KCNN2: variants seen among roughly 807,000 people sequenced by gnomAD.
The protein encoded by KCNN2 is potassium calcium-activated channel subfamily N member 2, also known as small conductance calcium-activated potassium channel protein 2.
Under a neutral mutation model 55.5 loss-of-function variants are expected in KCNN2, and 24 were observed. The ratio of observed to expected loss-of-function variants is 0.43; its 90% CI spans 0.31 to 0.61. The LOEUF is 0.61. Ranked by LOEUF, KCNN2 falls within the 20% of genes least tolerant of loss-of-function variation. KCNN2 has a pLI of 0.08. For missense variants in KCNN2, 754 were observed against 853.6 expected, an observed-to-expected ratio of 0.88 and a Z score of 1.45; for synonymous variants, 431 against 336.1, an observed-to-expected ratio of 1.28 and a Z score of -3.09.
At chr5:114,134,049 T>C (rs1006490866) in intron 1 of KCNN2, among the ~76,000 whole-genome samples, 9 of 152,254 alleles carry the variant, frequency 5.9e-5, no homozygotes, top group African/African-American at 2.2e-4. Context: ...TTCTCCCATT[T>C]CCACATGGCA....
intron 2 of KCNN2, among the ~76,000 whole-genome samples, chr5:114,365,474 A>G (rs750540356): frequency 1.3e-5 from 2 of 152,216 alleles, no homozygotes; most frequent in Non-Finnish European, 2.9e-5. Flanking sequence ...AGAGTAGACA[A>G]TTAGAGCTGG....
At chr5:114,487,028 GC>G in intron 5 of KCNN2, 21 bp from the exon 6 acceptor site, 1 of 1,612,038 alleles carries the variant, frequency 6.2e-7, no homozygotes, top group Non-Finnish European at 8.5e-7. Flanking sequence ...TTTATCAACT[GC>G]TTTGTTTGTT....
intron 1 of KCNN2, among the ~76,000 whole-genome samples, chr5:114,067,257 CT>C (rs1750470930): frequency 6.6e-6 from 1 of 152,164 alleles, no homozygotes. Context: ...TTGAGCTTCC[CT>C]TTTGACCAGA....
chr5:114,364,041 TAC>T (rs745840293), intron 2 of KCNN2, 40 bp downstream of exon 2: 8 of 1,472,280 alleles, frequency 5.4e-6, no homozygotes, highest in Non-Finnish European at 7.6e-6. Context: ...CCCAAAGCCC[TAC>T]AGTCAGCCTA....
chr5:114,421,101 A>G (rs77030135), intron 3 of KCNN2, among the ~76,000 whole-genome samples: 37 of 151,924 alleles, frequency 2.4e-4, no homozygotes, highest in African/African-American at 8.7e-4. Flanking sequence ...TTTTCGATCT[A>G]TTTTGCGCAT....
intron 7 of KCNN2, among the ~76,000 whole-genome samples, 171 bp downstream of exon 7, chr5:114,493,643 C>T (rs1295343814): frequency 6.6e-6 from 1 of 152,158 alleles, no homozygotes; most frequent in Non-Finnish European, 1.5e-5. Context: ...CTGTAACTCT[C>T]ATTTAATGTA....
At chr5:114,275,822 A>G (rs543966493) in intron 2 of KCNN2, among the ~76,000 whole-genome samples, 19 of 151,816 alleles carry the variant, frequency 1.3e-4, no homozygotes, top group African/African-American at 4.3e-4. Flanking sequence ...TTGTGTCTCT[A>G]TCTCTTTCAG....
chr5:114,447,179 T>G (rs1294082349), intron 3 of KCNN2, among the ~76,000 whole-genome samples: 1 of 152,228 alleles, frequency 6.6e-6, no homozygotes, highest in Non-Finnish European at 1.5e-5. Flanking sequence ...ATGCAAATAC[T>G]TATTTATATC....
chr5:114,373,145 G>A (rs921301850), intron 2 of KCNN2, among the ~76,000 whole-genome samples: 7 of 151,976 alleles, frequency 4.6e-5, no homozygotes, highest in African/African-American at 1.4e-4. Context: ...ACTATGTGGC[G>A]AATTCTGCAG....
intron 2 of KCNN2, among the ~76,000 whole-genome samples, chr5:114,377,812 GT>G (rs1412310907): frequency 6.6e-6 from 1 of 152,150 alleles, no homozygotes; most frequent in Non-Finnish European, 1.5e-5. Flanking sequence ...TCATTAGATT[GT>G]TTTTGGGATT....
Position 114,496,116 on chromosome 5 carries a change from CCGGTCCTCGTCCAGGAGGCGG to C in KCNN2, c.2319_2339del (p.Arg775_Ser781del), listed in dbSNP as rs1174816904. 1 of 1,613,890 alleles carries C rather than the reference CCGGTCCTCGTCCAGGAGGCGG, an allele frequency of 6.2e-7. No homozygotes were observed. Among genetic ancestry groups the C allele is most frequent in the African/African-American group, 1.3e-5 (1 of 74,900 alleles). ...ACGTCACTTACAATGCTGAGCGGTC[CCGGTCCTCGTCCAGGAGGCGG>C]CGGTCCTCTTCCACAGCACCACCAA... On this transcript the variant is annotated inframe_deletion, in exon 8 of 8. Transcript: ENST00000673685.
At chr5:114,188,269 G>C (rs534679930) in intron 1 of KCNN2, among the ~76,000 whole-genome samples, 20 of 152,282 alleles carry the variant, frequency 1.3e-4, no homozygotes, top group African/African-American at 4.8e-4. Flanking sequence ...GCCTCTTGAG[G>C]AGGTAAGAGA....
rs1757461290 is a variant in KCNN2 at position 114,362,543 on chromosome 5, A to G, written c.404A>G (p.His135Arg). 2 of 576,598 alleles carry G rather than the reference A, an allele frequency of 3.5e-6. No individual in the cohort carries two copies. Among genetic ancestry groups the G allele is most frequent in the Non-Finnish European group, 5.8e-6 (2 of 342,998 alleles). 35.7% of individuals were successfully genotyped at this position (576,598 alleles called of 1,614,324 possible). The change falls in exon 1 of 8, where the codon CAT becomes CGT. Residue 135 changes from histidine (H) to arginine (R), a missense_variant. Transcript: ENST00000673685. ...GTGAGCGAGCTGACGCCGTCCAGCC[A>G]TGCCAGTGCGCTCCGGCAGCAGTAC... ...LNVSELTPSS[H>R]ASALRQQYAQ...
At chr5:114,078,591 T>C (rs929944187) in intron 1 of KCNN2, among the ~76,000 whole-genome samples, 1 of 152,060 alleles carries the variant, frequency 6.6e-6, no homozygotes, top group African/African-American at 2.4e-5. Flanking sequence ...TCAGTTCCTA[T>C]GGGGGTGGGA....
chr5:114,249,722 A>T (rs1350895560), intron 2 of KCNN2, among the ~76,000 whole-genome samples: 2 of 144,366 alleles, frequency 1.4e-5, no homozygotes, highest in Non-Finnish European at 3.0e-5. Context: ...AACAGTTCGG[A>T]ATTAAAAAAA....
At chr5:114,465,577 A>G (rs1022163582) in intron 4 of KCNN2, among the ~76,000 whole-genome samples, 1 of 151,610 alleles carries the variant, frequency 6.6e-6, no homozygotes, top group African/African-American at 2.4e-5. Context: ...GCGCCATGGC[A>G]CTCTAGCCTG....
chr5:114,213,416 C>A (rs535026209), intron 1 of KCNN2, among the ~76,000 whole-genome samples: 151 of 149,504 alleles, frequency 1.0e-3, no homozygotes, highest in Non-Finnish European at 1.5e-3. Context: ...TTTTCTGTTT[C>A]AGTTTCTTCT....
chr5:114,427,087 A>G (rs1055412729), intron 3 of KCNN2, among the ~76,000 whole-genome samples: 2 of 152,126 alleles, frequency 1.3e-5, no homozygotes, highest in African/African-American at 4.8e-5. Flanking sequence ...ACCTGGAGTC[A>G]TCTCCATCCT....
At chr5:114,431,866 T>C (rs545624993) in intron 3 of KCNN2, among the ~76,000 whole-genome samples, 148 of 152,340 alleles carry the variant, frequency 9.7e-4, no homozygotes, top group African/African-American at 3.4e-3. Context: ...TATTGTTTAG[T>C]GTCCAGGTAT....
Sources: allele counts gnomAD v4.1 joint callset (sites outside exome capture counted in the v4.1 genomes callset), GRCh38; gene constraint gnomAD v4.1.1; transcripts MANE v1.5; gene names NCBI Gene and HGNC (gene_info 2026-07-23, HGNC 2026-07-21).